The following RIMBP2 variants were observed in gnomAD, a reference collection of about 807,000 sequenced individuals.
RIMBP2 encodes RIMS-binding protein 2.
Under a neutral mutation model 118.6 loss-of-function variants are expected in RIMBP2, and 48 were observed. The ratio of observed to expected loss-of-function variants is 0.40; its 90% CI spans 0.32 to 0.51. RIMBP2 has a LOEUF of 0.51. Ranked by LOEUF, RIMBP2 falls within the 20% of genes least tolerant of loss-of-function variation. The probability of loss-of-function intolerance (pLI) is 0.41; values close to 1 mark genes in which losing one functional copy is unlikely to be tolerated. For synonymous variants in RIMBP2, 762 were observed against 742.9 expected, an observed-to-expected ratio of 1.03 and a Z score of -0.42; for missense variants, 1,551 against 1,768.3, an observed-to-expected ratio of 0.88 and a Z score of 2.20.
chr12:130,444,461 G>T (rs2078366935), intron 10 of RIMBP2, among the ~76,000 whole-genome samples: 1 of 152,194 alleles, frequency 6.6e-6, no homozygotes, highest in African/African-American at 2.4e-5. Context: ...TCTGCTCAGG[G>T]GGAAGAGGAA....
At chr12:130,403,607 ATC>A (rs1203749234) in intron 21 of RIMBP2, among the ~76,000 whole-genome samples, 1 of 152,196 alleles carries the variant, frequency 6.6e-6, no homozygotes, top group Non-Finnish European at 1.5e-5. Context: ...AACCTAAAGG[ATC>A]TCTCTCTGGG....
intron 5 of RIMBP2, 38 bp from the exon 6 acceptor site, chr12:130,470,781 CA>C: frequency 2.5e-6 from 3 of 1,180,126 alleles, no homozygotes; most frequent in Non-Finnish European, 3.2e-6. Context: ...AGTAAATGTC[CA>C]AAGGGGAAAG....
chr12:130,531,572 T>G (rs563361567), intron 2 of RIMBP2, among the ~76,000 whole-genome samples: 1 of 152,260 alleles, frequency 6.6e-6, no homozygotes, highest in Admixed American at 6.5e-5. Context: ...TCAACTATTA[T>G]TAAACATTAG....
At chr12:130,464,186 C>T (rs1020154217) in intron 6 of RIMBP2, among the ~76,000 whole-genome samples, 6 of 152,218 alleles carry the variant, frequency 3.9e-5, no homozygotes, top group African/African-American at 1.4e-4. Context: ...GCCATCCATT[C>T]GTTTCTTCAC....
intron 4 of RIMBP2, among the ~76,000 whole-genome samples, chr12:130,502,207 C>T (rs2049865081): frequency 6.6e-6 from 1 of 152,192 alleles, no homozygotes; most frequent in Non-Finnish European, 1.5e-5. Context: ...AGGAGCTGTT[C>T]AGTCCAGTCC....
Position 130,621,981 on chromosome 12 carries a change from C to T in RIMBP2, c.-217+6341G>A, listed in dbSNP as rs1457686529. Reference sequence around the variant, plus strand: ...ATCAACAGAGCCCATTCCACGTCGACTTGTCTACTTTAAAAAATAATAACA... The same window carrying T: ...ATCAACAGAGCCCATTCCACGTCGATTTGTCTACTTTAAAAAATAATAACA... On this transcript the variant is annotated intron_variant, in intron 2 of 22. Transcript: ENST00000690449. The surrounding 1 kb of genome is among the most constrained non-coding windows in gnomAD (Gnocchi z 6.6). 6.6e-6 allele frequency among the ~76,000 whole-genome samples: 1 copy of T among 152,182 alleles called. No individual in the cohort carries two copies. The highest frequency in any genetic ancestry group is 1.5e-5 in the Non-Finnish European group (1 of 68,036).
At chr12:130,586,528 T>C (rs1451446225) in intron 2 of RIMBP2, among the ~76,000 whole-genome samples, 1 of 151,912 alleles carries the variant, frequency 6.6e-6, no homozygotes, top group Admixed American at 6.6e-5. Context: ...ACGCCACATA[T>C]CTACAACCAT....
At position 130,568,174 on chromosome 12, in the gene RIMBP2, A is replaced by G. The variant is rs552461208; in HGVS notation, c.-216-50257T>C. On this transcript the variant is annotated intron_variant, in intron 2 of 22. Transcript: ENST00000690449. ...AAGGTAGGATGTAAATTTATAGAAG[A>G]AGGCAGGGTTTCTCATAACTTCTAA... is the stretch of plus-strand genomic sequence containing the variant. Among the ~76,000 whole-genome samples, 15 of 152,320 alleles carry G rather than the reference A, an allele frequency of 9.8e-5. 1 individual carries two copies. The South Asian group carries it at 2.7e-3, about 27-fold the overall frequency.
In RIMBP2 at chr12:130,399,272, G is replaced by A. The variant is rs1462420449; in HGVS notation, c.3900+407C>T. 5 of 558,518 alleles carry A rather than the reference G, an allele frequency of 9.0e-6. No individual in the cohort carries two copies. In the African/African-American group the frequency reaches 9.8e-5, roughly 11 times the overall value. 34.6% of individuals were successfully genotyped at this position (558,518 alleles called of 1,614,324 possible). On this transcript the variant is annotated intron_variant, in intron 22 of 22. Coordinates refer to ENST00000690449, the MANE Select transcript of RIMBP2 (RefSeq NM_001393629.1). ...AAATGAGATACTAAACATGAATGTAGTCTAATAGTTCAATATGCTTGAGAA... is the reference window on the plus strand; with the variant it reads ...AAATGAGATACTAAACATGAATGTAATCTAATAGTTCAATATGCTTGAGAA...
chr12:130,508,619 C>G (rs747064525), intron 3 of RIMBP2, among the ~76,000 whole-genome samples: 1 of 152,032 alleles, frequency 6.6e-6, no homozygotes, highest in Non-Finnish European at 1.5e-5. Context: ...CTCCATGCCC[C>G]TCCCTCCCAC....
intron 1 of RIMBP2, among the ~76,000 whole-genome samples, chr12:130,652,489 G>A (rs764946663): frequency 6.6e-6 from 1 of 151,940 alleles, no homozygotes; most frequent in Non-Finnish European, 1.5e-5. Context: ...CATCTGTTAC[G>A]CTCATTTTTG....
chr12:130,632,129 TAA>T (rs2062029097), intron 1 of RIMBP2, among the ~76,000 whole-genome samples: 1 of 152,106 alleles, frequency 6.6e-6, no homozygotes. Flanking sequence ...CAGCAAAAAA[TAA>T]AAGAGACGTT....
chr12:130,556,722 G>A (rs1442859271), intron 2 of RIMBP2, among the ~76,000 whole-genome samples: 1 of 152,206 alleles, frequency 6.6e-6, no homozygotes, highest in East Asian at 1.9e-4. Flanking sequence ...TCAAGATGGT[G>A]CCATCACCAT....
intron 2 of RIMBP2, among the ~76,000 whole-genome samples, chr12:130,583,539 ACAT>A (rs2058615629): frequency 1.3e-5 from 2 of 149,942 alleles, no homozygotes; most frequent in Non-Finnish European, 3.0e-5. Flanking sequence ...CACAACCATT[ACAT>A]CATCATCACC....
At chr12:130,610,036 T>C (rs2140560352) in intron 2 of RIMBP2, among the ~76,000 whole-genome samples, 1 of 152,342 alleles carries the variant, frequency 6.6e-6, no homozygotes, top group East Asian at 1.9e-4. Context: ...AAATAGTGTG[T>C]GGCCAGTTCT....
In RIMBP2 at chr12:130,623,091, T is replaced by C. The variant is rs1318601342; in HGVS notation, c.-217+5231A>G. On this transcript the variant is annotated intron_variant, in intron 2 of 22. Coordinates refer to ENST00000690449, the MANE Select transcript of RIMBP2 (RefSeq NM_001393629.1). The surrounding 1 kb of genome is among the most constrained non-coding windows in gnomAD (Gnocchi z 4.1). ...TACAAAATCAGGTTGCTGGGCTACT[T>C]ACACAAATACATATAAAACGAAGGT... Among the ~76,000 whole-genome samples the C allele has an allele frequency of 2.6e-5, 4 of 152,216 alleles. No individual in the cohort carries two copies. Among genetic ancestry groups the C allele is most frequent in the Admixed American group, 2.6e-4 (4 of 15,278 alleles).
rs1593330707 is a variant in RIMBP2 at position 130,447,106 on chromosome 12, A to G, written c.582-1837T>C. ...GGAGGAGGAGGAGGGAGCGAGAGGA[A>G]CAGGAGCCCCCAGGCCACGCCTTCA... On this transcript the variant is annotated intron_variant, in intron 9 of 22. Coordinates refer to ENST00000690449, the MANE Select transcript of RIMBP2 (RefSeq NM_001393629.1). The surrounding 1 kb of genome is among the most constrained non-coding windows in gnomAD (Gnocchi z 4.4). Among the ~76,000 whole-genome samples, 1 of 151,288 alleles carries G rather than the reference A, an allele frequency of 6.6e-6. No individual in the cohort carries two copies. Among genetic ancestry groups the G allele is most frequent in the African/African-American group, 2.4e-5 (1 of 41,100 alleles).
chr12:130,714,594 T>C (rs559132541), intron 1 of RIMBP2, among the ~76,000 whole-genome samples: 74 of 152,336 alleles, frequency 4.9e-4, no homozygotes, highest in African/African-American at 1.6e-3. Context: ...GAATAGCCGC[T>C]GCCAGCGCCT....
chr12:130,550,059 C>T (rs773704216), intron 2 of RIMBP2, among the ~76,000 whole-genome samples: 6 of 152,082 alleles, frequency 3.9e-5, no homozygotes, highest in East Asian at 1.9e-4. Flanking sequence ...CTGACAGGTG[C>T]GAGATTGTAT....
Sources: allele counts gnomAD v4.1 joint callset (sites outside exome capture counted in the v4.1 genomes callset), GRCh38; gene constraint gnomAD v4.1.1; non-coding constraint Gnocchi (gnomAD v3.1); transcripts MANE v1.5; gene names NCBI Gene and HGNC (gene_info 2026-07-23, HGNC 2026-07-21).